The following ADAMTS5 variants were observed in gnomAD, a reference collection of about 807,000 sequenced individuals.
ADAMTS5 encodes ADAM metallopeptidase with thrombospondin type 1 motif 5.
A neutral mutation model predicts 81.4 loss-of-function variants in ADAMTS5; 54 were observed. That is an observed-to-expected ratio of 0.66 (90% CI 0.53 to 0.83). The LOEUF (loss-of-function observed/expected upper bound fraction) is 0.83, where lower values mean the gene tolerates loss of function less well. ADAMTS5 is among the 40% of genes least tolerant of loss of function. The pLI is 0.00. For missense variants in ADAMTS5, 1,194 were observed against 1,229.9 expected (o/e 0.97, Z 0.44); for synonymous variants, 532 against 508.8 (o/e 1.05, Z -0.61).
Position 26,947,726 on chromosome 21 carries a change from C to T in ADAMTS5, c.1238-4179G>A, listed in dbSNP as rs139753993. 5.4e-3 allele frequency among the ~76,000 whole-genome samples: 816 copies of T among 152,252 alleles called. 6 individuals are homozygous for T. The highest frequency in any genetic ancestry group is 0.019 in the African/African-American group (780 of 41,538). On this transcript the variant is annotated intron_variant, in intron 2 of 7. Transcript: ENST00000284987. ...CTGGGATTACAGGTGTGAACCACTG[C>T]GCCCGATCAGAACTGTATTTCGCTG...
intron 1 of ADAMTS5, among the ~76,000 whole-genome samples, chr21:26,959,949 C>A (rs1320024567): frequency 2.6e-5 from 4 of 152,294 alleles, no homozygotes; most frequent in East Asian, 1.9e-4. Context: ...TTCCTCCAGT[C>A]CTTCATGTCA....
intron 2 of ADAMTS5, among the ~76,000 whole-genome samples, chr21:26,949,153 A>C (rs1601012887): frequency 6.7e-6 from 1 of 149,984 alleles, no homozygotes; most frequent in East Asian, 2.0e-4. Context: ...ATATATATAT[A>C]TCACACATAT....
At chr21:26,961,684 G>A (rs1987531771) in intron 1 of ADAMTS5, among the ~76,000 whole-genome samples, 1 of 152,190 alleles carries the variant, frequency 6.6e-6, no homozygotes, top group Admixed American at 6.5e-5. Flanking sequence ...GAGCTGCTTA[G>A]TCTGCTACCA....
At position 26,922,893 on chromosome 21, in the gene ADAMTS5, T is replaced by C. The variant is rs1274816376; in HGVS notation, c.*1160A>G. The C allele has an allele frequency of 1.3e-5, 2 of 152,628 alleles. No homozygotes were observed. Among genetic ancestry groups the C allele is most frequent in the Non-Finnish European group, 2.9e-5 (2 of 68,016 alleles). 9.5% of individuals were successfully genotyped at this position (152,628 alleles called of 1,614,324 possible). A position where few individuals can be genotyped will look rare whatever the true frequency, so the allele number is the denominator to read the frequency against. ...TTTTTGGCATTAACCACATTAACAA[T>C]GATAACCACTTCTCAATGTGGCTAA... On this transcript the variant is annotated 3_prime_UTR_variant, in exon 8 of 8. Coordinates refer to ENST00000284987, the MANE Select transcript of ADAMTS5 (RefSeq NM_007038.5).
intron 7 of ADAMTS5, among the ~76,000 whole-genome samples, chr21:26,927,919 G>T (rs1384975735): frequency 6.6e-6 from 1 of 152,122 alleles, no homozygotes; most frequent in Non-Finnish European, 1.5e-5. Context: ...TGGATGTGGG[G>T]TGTGAGAGAA....
intron 6 of ADAMTS5, among the ~76,000 whole-genome samples, chr21:26,931,195 T>C (rs1986900176): frequency 1.3e-5 from 2 of 152,080 alleles, no homozygotes; most frequent in South Asian, 4.2e-4. Context: ...TACAGGTGTG[T>C]GCCACCACGC....
At chr21:26,953,006 A>G (rs1360412879) in intron 2 of ADAMTS5, among the ~76,000 whole-genome samples, 1 of 152,236 alleles carries the variant, frequency 6.6e-6, no homozygotes, top group Non-Finnish European at 1.5e-5. Flanking sequence ...ATAAATATTG[A>G]TTAAGGTTCT....
chr21:26,943,632 T>A, intron 2 of ADAMTS5, 85 bp from the exon 3 acceptor site: 2 of 1,322,268 alleles, frequency 1.5e-6, no homozygotes, highest in Non-Finnish European at 2.1e-6. Flanking sequence ...GGCTTGATTT[T>A]TTTCCCCTAA....
At chr21:26,962,428 C>G (rs1987546760) in intron 1 of ADAMTS5, among the ~76,000 whole-genome samples, 1 of 152,192 alleles carries the variant, frequency 6.6e-6, no homozygotes, top group Non-Finnish European at 1.5e-5. Flanking sequence ...CTAACTCTCT[C>G]TAATTAGAAT....
At chr21:26,946,294 A>G (rs916548338) in intron 2 of ADAMTS5, among the ~76,000 whole-genome samples, 2 of 152,236 alleles carry the variant, frequency 1.3e-5, no homozygotes, top group African/African-American at 4.8e-5. Context: ...AATTATGCTA[A>G]GACATTTACT....
chr21:26,939,017 T>G (rs567666453), intron 3 of ADAMTS5, among the ~76,000 whole-genome samples: 1 of 152,204 alleles, frequency 6.6e-6, no homozygotes, highest in African/African-American at 2.4e-5. Flanking sequence ...ACACCACTGC[T>G]TACAATCTCC....
At chr21:26,949,199 GGAGA>G (rs71183587) in intron 2 of ADAMTS5, among the ~76,000 whole-genome samples, 70 of 138,566 alleles carry the variant, frequency 5.1e-4, no homozygotes, top group Middle Eastern at 3.7e-3. Context: ...ATATATATAT[GGAGA>G]GAGAGAGAGA....
chr21:26,963,391 G>C (rs989738949), intron 1 of ADAMTS5, among the ~76,000 whole-genome samples: 1 of 151,708 alleles, frequency 6.6e-6, no homozygotes. Context: ...GGAATGTTAT[G>C]GGGCAGGAGG....
chr21:26,932,706 A>AAAAACC (rs71331598), intron 5 of ADAMTS5, among the ~76,000 whole-genome samples, 155 bp downstream of exon 5: 75 of 151,370 alleles, frequency 5.0e-4, no homozygotes, highest in African/African-American at 1.8e-3. Context: ...ATCTCAAAAA[A>AAAAACC]AAACAAACAC....
rs762044694 is a variant in ADAMTS5, at chr21:26,919,709, AT to A, written c.*4343del. 5.3e-5 allele frequency: 8 copies of A among 152,076 alleles called. No individual in the cohort carries two copies. Among genetic ancestry groups the A allele is most frequent in the Non-Finnish European group, 8.8e-5 (6 of 67,974 alleles). The allele number at this position is 152,076 out of a possible 1,614,324, so 9.4% of individuals were successfully genotyped here. On this transcript the variant is annotated 3_prime_UTR_variant, in exon 8 of 8. Coordinates refer to ENST00000284987, the MANE Select transcript of ADAMTS5 (RefSeq NM_007038.5). ...ATACATTATAGAGTTTATATGCATC[AT>A]GATGATATAATTTGAGAAATTATCT... is the stretch of plus-strand genomic sequence containing the variant.
chr21:26,947,117 C>T (rs1441786889), intron 2 of ADAMTS5, among the ~76,000 whole-genome samples: 2 of 152,206 alleles, frequency 1.3e-5, no homozygotes, highest in Non-Finnish European at 2.9e-5. Flanking sequence ...TTATAATCAG[C>T]AGACATGCAA....
intron 3 of ADAMTS5, 111 bp downstream of exon 3, chr21:26,943,269 A>T: frequency 9.1e-7 from 1 of 1,104,394 alleles, no homozygotes; most frequent in Non-Finnish European, 1.3e-6. Flanking sequence ...CACTATCCAC[A>T]CAACTATTGT....
chr21:26,918,708 T>C lies in ADAMTS5; in HGVS notation c.*5345A>G, dbSNP rs184120242. 2.0e-5 allele frequency: 3 copies of C among 152,088 alleles called. No homozygotes were observed. Among genetic ancestry groups the C allele is most frequent in the East Asian group, 3.9e-4 (2 of 5,166 alleles). The allele number at this position is 152,088 out of a possible 1,614,324, so 9.4% of individuals were successfully genotyped here. A position where few individuals can be genotyped will look rare whatever the true frequency, so the allele number is the denominator to read the frequency against. On this transcript the variant is annotated 3_prime_UTR_variant, in exon 8 of 8. Coordinates refer to ENST00000284987, the MANE Select transcript of ADAMTS5 (RefSeq NM_007038.5). ...TTCTATTGTAAATATACTCTCAGTA[T>C]AGGTAGACGTGTTTCTAATATATTG...
intron 3 of ADAMTS5, among the ~76,000 whole-genome samples, chr21:26,938,043 C>A (rs1415357410): frequency 6.6e-6 from 1 of 152,068 alleles, no homozygotes; most frequent in East Asian, 1.9e-4. Flanking sequence ...AGTTCGCGAC[C>A]AGCCTGGCCA....
Sources: gnomAD v4.1 joint callset for allele counts (sites outside exome capture counted in the v4.1 genomes callset) on GRCh38, gnomAD v4.1.1 for gene constraint, MANE v1.5 for transcripts, NCBI Gene and HGNC (gene_info 2026-07-23, HGNC 2026-07-21) for gene names.